The following NWD2 variants were observed in gnomAD, a reference collection of about 807,000 sequenced individuals.
The protein encoded by NWD2 is NACHT and WD repeat domain-containing protein 2.
In NWD2, 37 loss-of-function variants were observed where a neutral mutation model predicts 132.7. That is an observed-to-expected ratio of 0.28 (90% CI 0.21 to 0.37). The LOEUF (loss-of-function observed/expected upper bound fraction) is 0.37, where lower values mean the gene tolerates loss of function less well. Among genes scored for constraint, NWD2 ranks in the 10% least tolerant of loss-of-function variants. The pLI is 1.00. For missense variants in NWD2, 1,592 were observed against 2,122.4 expected (o/e 0.75, Z 4.91); for synonymous variants, 705 against 803.0 (o/e 0.88, Z 2.06).
At position 37,420,788 on chromosome 4, in the gene NWD2, C is replaced by T. The variant is rs143002860; in HGVS notation, c.358-9784C>T. Among the ~76,000 whole-genome samples the T allele has an allele frequency of 2.7e-3, 405 of 152,244 alleles. 2 individuals are homozygous for T. Among genetic ancestry groups the T allele is most frequent in the African/African-American group, 9.3e-3 (385 of 41,552 alleles). On this transcript the variant is annotated intron_variant, in intron 3 of 6. Transcript: ENST00000309447. ...GGCTTATTTGGGACTGGGGCAGGGGCGGTTCCTGGGACTTTGAGTGTTCAA... is the reference window on the plus strand; with the variant it reads ...GGCTTATTTGGGACTGGGGCAGGGGTGGTTCCTGGGACTTTGAGTGTTCAA...
At chr4:37,360,988 C>A (rs866712779) in intron 3 of NWD2, among the ~76,000 whole-genome samples, 1 of 152,072 alleles carries the variant, frequency 6.6e-6, no homozygotes, top group Non-Finnish European at 1.5e-5. Context: ...TATAACTGAT[C>A]CCACAGAAAT....
chr4:37,306,623 G>C (rs976574831), intron 1 of NWD2, among the ~76,000 whole-genome samples: 6 of 152,012 alleles, frequency 3.9e-5, no homozygotes, highest in African/African-American at 1.4e-4. Flanking sequence ...TCTTGTTGTT[G>C]ATTTCTAGTT....
At chr4:37,415,701 C>CT (rs1290757903) in intron 3 of NWD2, among the ~76,000 whole-genome samples, 1 of 57,802 alleles carries the variant, frequency 1.7e-5, no homozygotes, top group East Asian at 9.0e-4. Context: ...AAGACTCCGT[C>CT]TAAAAAAAAA....
At chr4:37,425,533 A>G (rs1711975850) in intron 3 of NWD2, among the ~76,000 whole-genome samples, 1 of 152,200 alleles carries the variant, frequency 6.6e-6, no homozygotes. Context: ...ATTTTCACCT[A>G]TGTATTGACA....
At chr4:37,353,869 G>A (rs558443367) in intron 2 of NWD2, among the ~76,000 whole-genome samples, 26 of 151,994 alleles carry the variant, frequency 1.7e-4, no homozygotes, top group African/African-American at 5.8e-4. Context: ...CTCATTCTCC[G>A]CCCAGTTTTG....
intron 3 of NWD2, among the ~76,000 whole-genome samples, chr4:37,422,777 C>G (rs906086515): frequency 3.3e-5 from 5 of 152,180 alleles, no homozygotes; most frequent in African/African-American, 1.2e-4. Flanking sequence ...AATATGAAAG[C>G]TGAAACTCAG....
chr4:37,281,688 A>G (rs1275067972), intron 1 of NWD2, among the ~76,000 whole-genome samples: 1 of 152,184 alleles, frequency 6.6e-6, no homozygotes, highest in East Asian at 1.9e-4. Context: ...GTCACACCAT[A>G]AGTAAGTCGT....
intron 3 of NWD2, among the ~76,000 whole-genome samples, chr4:37,388,643 A>AAT (rs770655287): frequency 4.5e-5 from 5 of 111,422 alleles, no homozygotes; most frequent in South Asian, 2.6e-4. Context: ...ATCATATATA[A>AAT]ATATATATAT....
chr4:37,284,392 A>G (rs1215147346), intron 1 of NWD2, among the ~76,000 whole-genome samples: 1 of 152,198 alleles, frequency 6.6e-6, no homozygotes, highest in East Asian at 1.9e-4. Context: ...ATTTGAACAT[A>G]TGAATTTTGG....
intron 1 of NWD2, among the ~76,000 whole-genome samples, chr4:37,274,696 A>C (rs2109265091): frequency 6.6e-6 from 1 of 151,956 alleles, no homozygotes; most frequent in South Asian, 2.1e-4. Context: ...AATACTGGCA[A>C]ACCAAATCCA....
chr4:37,295,632 A>G (rs964476659), intron 1 of NWD2, among the ~76,000 whole-genome samples: 2 of 152,162 alleles, frequency 1.3e-5, no homozygotes, highest in Admixed American at 6.5e-5. Context: ...GGAATCATCT[A>G]TCTACTAGGT....
chr4:37,384,396 GA>G (rs1278430681), intron 3 of NWD2, among the ~76,000 whole-genome samples: 19 of 152,056 alleles, frequency 1.2e-4, no homozygotes, highest in Non-Finnish European at 2.5e-4. Context: ...TAATTTTATT[GA>G]GTTGTTCTCT....
At chr4:37,310,652 C>CT (rs1718819541) in intron 1 of NWD2, among the ~76,000 whole-genome samples, 1 of 151,434 alleles carries the variant, frequency 6.6e-6, no homozygotes, top group Non-Finnish European at 1.5e-5. Context: ...TATTATTATA[C>CT]TTTAAGTTTT....
At chr4:37,283,773 C>T (rs1718174280) in intron 1 of NWD2, among the ~76,000 whole-genome samples, 2 of 152,018 alleles carry the variant, frequency 1.3e-5, no homozygotes, top group South Asian at 4.1e-4. Flanking sequence ...ATTAAGAAAA[C>T]CAGTATCTCT....
chr4:37,446,649 A>G lies in NWD2; in HGVS notation c.4661A>G (p.Tyr1554Cys). Residue 1554 changes from tyrosine (Y) to cysteine (C), a missense_variant, in exon 7 of 7, where the codon TAC becomes TGC. Transcript: ENST00000309447. The surrounding 1 kb of genome is among the most constrained non-coding windows in gnomAD (Gnocchi z 6.7). ...GDENINVLDL[Y>C]SGKLRVVHAS... ...GAAAACATCAATGTGCTAGATTTAT[A>G]CAGTGGTAAATTGCGGGTGGTTCAC... The G allele has an allele frequency of 1.3e-6, 2 of 1,551,626 alleles. No individual in the cohort carries two copies. Among genetic ancestry groups the G allele is most frequent in the East Asian group, 2.4e-5 (1 of 40,908 alleles).
chr4:37,308,410 T>C (rs1718756500), intron 1 of NWD2, among the ~76,000 whole-genome samples: 1 of 152,170 alleles, frequency 6.6e-6, no homozygotes, highest in Non-Finnish European at 1.5e-5. Flanking sequence ...TGTGAGTGTT[T>C]GTGGAGGCAG....
chr4:37,298,801 A>G (rs1235868619), intron 1 of NWD2, among the ~76,000 whole-genome samples: 1 of 152,182 alleles, frequency 6.6e-6, no homozygotes, highest in Non-Finnish European at 1.5e-5. Context: ...TATTTTATAA[A>G]TTAGAAAATG....
chr4:37,333,744 A>G (rs1217333991), intron 2 of NWD2, among the ~76,000 whole-genome samples: 1 of 152,164 alleles, frequency 6.6e-6, no homozygotes, highest in African/African-American at 2.4e-5. Context: ...CCAAGGACCA[A>G]TCCTGACAGG....
At chr4:37,278,099 G>A (rs1289882328) in intron 1 of NWD2, among the ~76,000 whole-genome samples, 1 of 152,100 alleles carries the variant, frequency 6.6e-6, no homozygotes, top group Non-Finnish European at 1.5e-5. Flanking sequence ...TAAGTCCTCT[G>A]TCAATGACTG....
Sources: gnomAD v4.1 joint callset for allele counts (sites outside exome capture counted in the v4.1 genomes callset) on GRCh38, gnomAD v4.1.1 for gene constraint, Gnocchi (gnomAD v3.1) non-coding constraint, MANE v1.5 for transcripts, NCBI Gene and HGNC (gene_info 2026-07-23, HGNC 2026-07-21) for gene names.